The following AMZ2 variants were observed in gnomAD, a reference collection of about 807,000 sequenced individuals.
The protein encoded by AMZ2 is archaelysin family metallopeptidase 2, also known as archaemetzincin-2.
A neutral mutation model predicts 36.7 loss-of-function variants in AMZ2; 26 were observed. That is an observed-to-expected ratio of 0.71 (90% CI 0.52 to 0.98). The LOEUF (loss-of-function observed/expected upper bound fraction) is 0.98. Among genes scored for constraint, AMZ2 ranks in the 50% least tolerant of loss-of-function variants. The pLI is 0.00. For synonymous variants in AMZ2, 144 were observed against 149.1 expected (o/e 0.97, Z 0.25); for missense variants, 394 against 430.5 (o/e 0.92, Z 0.75).
At chr17:68,212,327 A>G (rs1390639801) in intron 1 of AMZ2, among the ~76,000 whole-genome samples, 2 of 152,130 alleles carry the variant, frequency 1.3e-5, no homozygotes, top group African/African-American at 4.8e-5. Flanking sequence ...AGCCAAGAAT[A>G]TACCACTGCA....
chr17:68,223,721 G>A (rs1342759620), intron 1 of AMZ2, among the ~76,000 whole-genome samples: 3 of 147,306 alleles, frequency 2.0e-5, no homozygotes, highest in Admixed American at 6.8e-5. Flanking sequence ...TTTGTTGTTT[G>A]TTTGTTTGTT....
At position 68,250,933 on chromosome 17, in the gene AMZ2, C is replaced by G; in HGVS notation, c.423C>G (p.Val141=). ...CTGTAACAAGATGTTCCTTTAGAGT[C>G]AATGAGAACACACACAACCTACAAA... ...PVSVTRCSFR[V]NENTHNLQIH... Residue 141 remains valine (V), a synonymous_variant, in exon 3 of 7, where the codon GTC becomes GTG. Coordinates refer to ENST00000359904, the MANE Select transcript of AMZ2 (RefSeq NM_016627.5). The G allele has an allele frequency of 6.2e-7, 1 of 1,611,390 alleles. No homozygotes were observed. The highest frequency in any genetic ancestry group is 8.5e-7 in the Non-Finnish European group (1 of 1,179,490).
At chr17:68,208,199 G>C (rs2072902742) in intron 1 of AMZ2, among the ~76,000 whole-genome samples, 1 of 152,238 alleles carries the variant, frequency 6.6e-6, no homozygotes, top group Admixed American at 6.5e-5. Flanking sequence ...AGAAGTGCGG[G>C]CACAGGGCGC....
intron 1 of AMZ2, among the ~76,000 whole-genome samples, chr17:68,216,224 C>T (rs1367772529): frequency 6.6e-6 from 1 of 152,158 alleles, no homozygotes; most frequent in Non-Finnish European, 1.5e-5. Flanking sequence ...GCCTCAATCT[C>T]CCAGGCTCAG....
At chr17:68,227,289 C>T (rs1361918928) in intron 1 of AMZ2, among the ~76,000 whole-genome samples, 2 of 152,162 alleles carry the variant, frequency 1.3e-5, no homozygotes, top group African/African-American at 4.8e-5. Flanking sequence ...TAGGTCCTCC[C>T]CCCTGGCTTA....
At chr17:68,250,639 T>C (rs1555738957) in intron 2 of AMZ2, 155 bp from the exon 3 acceptor site, 2 of 1,193,352 alleles carry the variant, frequency 1.7e-6, no homozygotes, top group Non-Finnish European at 2.3e-6. Context: ...TAACATTTTG[T>C]TTCTTTTTGT....
chr17:68,234,293 AT>A (rs1340202386), intron 1 of AMZ2, among the ~76,000 whole-genome samples: 14 of 151,564 alleles, frequency 9.2e-5, no homozygotes, highest in African/African-American at 3.2e-4. Flanking sequence ...TAAAAAAAAA[AT>A]TAAGATTAAC....
At position 68,251,608 on chromosome 17, in the gene AMZ2, A is replaced by G. The variant is rs552562028; in HGVS notation, c.586+430A>G. Among the ~76,000 whole-genome samples, 4 of 152,302 alleles carry G rather than the reference A, an allele frequency of 2.6e-5. No individual in the cohort carries two copies. The South Asian group carries it at 8.3e-4, about 32-fold the overall frequency. On this transcript the variant is annotated intron_variant, in intron 4 of 6. Transcript: ENST00000359904. Reference sequence around the variant, plus strand: ...CTTGAGCCCAGGAGGTTGAGGCTGCAGTGAGCCATGATCGAGCCACTGCAC... The same window carrying G: ...CTTGAGCCCAGGAGGTTGAGGCTGCGGTGAGCCATGATCGAGCCACTGCAC...
In AMZ2 at chr17:68,207,820, T is replaced by A. The variant is rs12949987; in HGVS notation, c.-67+1582T>A. Reference sequence around the variant, plus strand: ...AGCCCCTTTCTGGGCTGGCCAAGGCTGGAGCCGGCTCCCTCAGCTTGCGGG... The same window carrying A: ...AGCCCCTTTCTGGGCTGGCCAAGGCAGGAGCCGGCTCCCTCAGCTTGCGGG... On this transcript the variant is annotated intron_variant, in intron 1 of 7. Transcript: ENST00000674770. 5.5e-3 allele frequency among the ~76,000 whole-genome samples: 841 copies of A among 152,160 alleles called. 9 individuals carry two copies. Among genetic ancestry groups the A allele is most frequent in the African/African-American group, 0.02 (811 of 41,532 alleles).
At chr17:68,231,929 T>C (rs1322976008) in intron 1 of AMZ2, among the ~76,000 whole-genome samples, 1 of 152,154 alleles carries the variant, frequency 6.6e-6, no homozygotes, top group Non-Finnish European at 1.5e-5. Flanking sequence ...TACTAAAAAA[T>C]CACTCATTGT....
At chr17:68,210,466 G>A (rs1176567616) in intron 1 of AMZ2, among the ~76,000 whole-genome samples, 1 of 152,200 alleles carries the variant, frequency 6.6e-6, no homozygotes, top group Non-Finnish European at 1.5e-5. Context: ...CACTCATGAG[G>A]TACTTAGAGT....
intron 4 of AMZ2, among the ~76,000 whole-genome samples, chr17:68,253,515 T>G (rs1340490697): frequency 5.9e-5 from 9 of 152,144 alleles, no homozygotes; most frequent in African/African-American, 1.2e-4. Flanking sequence ...TTTATTCTGG[T>G]CACCAGACAC....
chr17:68,207,524 G>C (rs1399033758), intron 1 of AMZ2: 1 of 151,954 alleles, frequency 6.6e-6, no homozygotes, highest in African/African-American at 2.4e-5. Flanking sequence ...TTTTTTCCTT[G>C]AAGTAAGGTG....
intron 1 of AMZ2, among the ~76,000 whole-genome samples, chr17:68,240,477 T>C (rs1460334945): frequency 6.6e-6 from 1 of 151,824 alleles, no homozygotes; most frequent in African/African-American, 2.4e-5. Flanking sequence ...GATGGAAAAA[T>C]GTGAGAGAGA....
Position 68,230,699 on chromosome 17 carries a change from G to A in AMZ2, c.-66-17941G>A, listed in dbSNP as rs1555731038. ...ATTCATTTTATTAAGAAGGGAACAG[G>A]GAGATCACAGATGCCATGGGGGCAT... On this transcript the variant is annotated intron_variant, in intron 1 of 7. Coordinates refer to the AMZ2 transcript ENST00000674770. Among the ~76,000 whole-genome samples, 3 of 152,184 alleles carry A rather than the reference G, an allele frequency of 2.0e-5. No homozygotes were observed. In the East Asian group the frequency reaches 5.8e-4, roughly 29 times the overall value.
At chr17:68,252,251 T>C (rs1453848774) in intron 4 of AMZ2, among the ~76,000 whole-genome samples, 1 of 152,178 alleles carries the variant, frequency 6.6e-6, no homozygotes, top group Non-Finnish European at 1.5e-5. Flanking sequence ...TGGTAAGCTT[T>C]TTGGGACAAA....
Position 68,235,162 on chromosome 17 carries a change from C to T in AMZ2, c.-66-13478C>T, listed in dbSNP as rs1299146603. On this transcript the variant is annotated intron_variant, in intron 1 of 7. Transcript: ENST00000674770. This position sits in a 1 kb window ranked among gnomAD's most constrained non-coding sequence, Gnocchi z 4.2. ...CATTTCCGTAATTAGAACTTGTGAC[C>T]AACACATCCAACCACGAGGATATAT... is the stretch of plus-strand genomic sequence containing the variant. Among the ~76,000 whole-genome samples, 1 of 152,164 alleles carries T rather than the reference C, an allele frequency of 6.6e-6. No homozygotes were observed. The highest frequency in any genetic ancestry group is 2.4e-5 in the African/African-American group (1 of 41,430).
chr17:68,247,034 C>A (rs1366058110), upstream of AMZ2: 28 of 150,130 alleles, frequency 1.9e-4, no homozygotes, highest in African/African-American at 5.9e-4. Context: ...AGGGTGAAAA[C>A]CCGTATTAAA....
upstream of AMZ2, among the ~76,000 whole-genome samples, chr17:68,243,548 T>C (rs1426577352): frequency 6.6e-6 from 1 of 152,132 alleles, no homozygotes; most frequent in Non-Finnish European, 1.5e-5. Flanking sequence ...GATACTTTGA[T>C]TGTTTCTAAT....
Sources: gnomAD v4.1 joint callset for allele counts (sites outside exome capture counted in the v4.1 genomes callset) on GRCh38, gnomAD v4.1.1 for gene constraint, Gnocchi (gnomAD v3.1) non-coding constraint, MANE v1.5 for transcripts, NCBI Gene and HGNC (gene_info 2026-07-23, HGNC 2026-07-21) for gene names.